PCDHA10: variants seen among roughly 807,000 people sequenced by gnomAD.
The protein encoded by PCDHA10 is protocadherin alpha 10, also known as protocadherin alpha-10.
Under a neutral mutation model 61.2 loss-of-function variants are expected in PCDHA10, and 45 were observed. That is an observed-to-expected ratio of 0.74 (90% confidence interval 0.58 to 0.94). The LOEUF (loss-of-function observed/expected upper bound fraction) is 0.94. Among genes scored for constraint, PCDHA10 ranks in the 40% least tolerant of loss-of-function variants. The probability of loss-of-function intolerance (pLI) is 0.00; values close to 1 mark genes in which losing one functional copy is unlikely to be tolerated. For synonymous variants in PCDHA10, 602 were observed against 548.8 expected, an observed-to-expected ratio of 1.10 and a Z score of -1.35; for missense variants, 1,278 against 1,236.2, an observed-to-expected ratio of 1.03 and a Z score of -0.51.
At chr5:140,974,879 A>G (rs1259634156) in intron 1 of PCDHA10, among the ~76,000 whole-genome samples, 1 of 152,212 alleles carries the variant, frequency 6.6e-6, no homozygotes, top group Non-Finnish European at 1.5e-5. Flanking sequence ...CAGTCTATGT[A>G]TCCCTTTTCT....
At chr5:140,869,588 T>G (rs1404476349) in intron 1 of PCDHA10, 7 of 1,613,996 alleles carry the variant, frequency 4.3e-6, no homozygotes, top group Non-Finnish European at 5.9e-6. Flanking sequence ...GATGCTGACA[T>G]TGAAGAGAAT....
intron 1 of PCDHA10, chr5:140,883,169 G>C (rs1554177001): frequency 6.2e-7 from 1 of 1,613,950 alleles, no homozygotes; most frequent in Admixed American, 1.7e-5. Flanking sequence ...GAACAATGGA[G>C]AAATTAGGAC....
chr5:140,899,931 C>G (rs1163496997), intron 1 of PCDHA10, among the ~76,000 whole-genome samples: 1 of 152,112 alleles, frequency 6.6e-6, no homozygotes, highest in African/African-American at 2.4e-5. Context: ...CCTCAGCCTC[C>G]TGAATAGCTG....
At chr5:140,885,274 AT>A (rs2153409165) in intron 1 of PCDHA10, among the ~76,000 whole-genome samples, 1 of 152,248 alleles carries the variant, frequency 6.6e-6, no homozygotes, top group South Asian at 2.1e-4. Context: ...ATACATATAT[AT>A]ATACATATAT....
At chr5:141,000,361 G>GTC (rs148596731) in intron 3 of PCDHA10, among the ~76,000 whole-genome samples, 441 of 26,430 alleles carry the variant, frequency 0.017, 8 homozygotes, top group Non-Finnish European at 0.02. Flanking sequence ...GTCTCTCTCT[G>GTC]TCTCTCTCTC....
intron 1 of PCDHA10, chr5:140,927,755 C>T (rs1388061408): frequency 6.2e-7 from 1 of 1,614,196 alleles, no homozygotes; most frequent in South Asian, 1.1e-5. Flanking sequence ...CACGTGCACC[C>T]TAAAAGTGGG....
intron 1 of PCDHA10, chr5:140,929,073 T>C (rs782591499): frequency 1.9e-6 from 3 of 1,614,200 alleles, no homozygotes; most frequent in Non-Finnish European, 2.5e-6. Flanking sequence ...ATCTGAGGTA[T>C]GGAAGTAAGA....
At chr5:140,926,409 C>G (rs1426750263) in intron 1 of PCDHA10, 3 of 152,670 alleles carry the variant, frequency 2.0e-5, no homozygotes, top group Admixed American at 6.5e-5. Context: ...CAGCAATCTG[C>G]GGGCAGAGGA....
intron 1 of PCDHA10, chr5:140,966,271 T>C: frequency 2.8e-6 from 1 of 355,706 alleles, no homozygotes; most frequent in Non-Finnish European, 5.0e-6. Flanking sequence ...CTGGATGAAC[T>C]GGACAGTGGG....
At chr5:140,982,585 A>G (rs782780327) in intron 3 of PCDHA10, 22 bp downstream of exon 3, 1 of 1,611,974 alleles carries the variant, frequency 6.2e-7, no homozygotes, top group Non-Finnish European at 8.5e-7. Context: ...GGGTCTCTCC[A>G]TTCTTTCTTG....
chr5:140,869,159 T>C, intron 1 of PCDHA10: 1 of 1,613,792 alleles, frequency 6.2e-7, no homozygotes, highest in Non-Finnish European at 8.5e-7. Flanking sequence ...CTCTGGCTTC[T>C]CCTCCTCGAA....
In PCDHA10 at chr5:140,913,731, A is replaced by G. The variant is rs557158674; in HGVS notation, c.2388+55295A>G. ...CAATTACAGCTACAAATTTCCCTCT[A>G]ATAGTACTCCTTTTGTTGTATCTCA... On this transcript the variant is annotated intron_variant, in intron 1 of 3. Transcript: ENST00000307360. Among the ~76,000 whole-genome samples the G allele has an allele frequency of 1.8e-4, 27 of 152,194 alleles. No homozygotes were observed. The South Asian group carries it at 2.5e-3, about 14-fold the overall frequency.
chr5:140,968,330 G>A (rs1314697989), intron 1 of PCDHA10: 2 of 1,613,974 alleles, frequency 1.2e-6, no homozygotes, highest in East Asian at 2.2e-5. Context: ...CACCTCCTAT[G>A]TCTCCATTAA....
At chr5:140,972,660 A>ATTTTTTTT (rs11350929) in intron 1 of PCDHA10, among the ~76,000 whole-genome samples, 1 of 117,268 alleles carries the variant, frequency 8.5e-6, no homozygotes, top group Non-Finnish European at 1.7e-5. Context: ...AAGAAACCAA[A>ATTTTTTTT]TTTTTTTTTT....
intron 1 of PCDHA10, among the ~76,000 whole-genome samples, chr5:140,904,631 G>A (rs150616068): frequency 0.029 from 4,338 of 152,074 alleles, 82 homozygotes; most frequent in Non-Finnish European, 0.044. Flanking sequence ...GTTCTTTAAG[G>A]AATCTCCACA....
At chr5:140,908,668 A>C (rs2074091776) in intron 1 of PCDHA10, among the ~76,000 whole-genome samples, 1 of 152,194 alleles carries the variant, frequency 6.6e-6, no homozygotes, top group Non-Finnish European at 1.5e-5. Flanking sequence ...AAAGGCTCCA[A>C]ATAGCATCCC....
At chr5:140,985,491 G>C (rs1288786153) in intron 3 of PCDHA10, among the ~76,000 whole-genome samples, 3 of 152,166 alleles carry the variant, frequency 2.0e-5, no homozygotes, top group African/African-American at 7.2e-5. Flanking sequence ...GACTCAAATA[G>C]AGCCTGCCTT....
chr5:140,965,924 C>A (rs548082207), intron 1 of PCDHA10, among the ~76,000 whole-genome samples: 1 of 152,212 alleles, frequency 6.6e-6, no homozygotes, highest in Non-Finnish European at 1.5e-5. Context: ...TTTAGGCTTG[C>A]TCCCGGAAAG....
intron 1 of PCDHA10, chr5:140,882,401 G>A (rs899488409): frequency 4.0e-5 from 65 of 1,614,046 alleles, no homozygotes; most frequent in Non-Finnish European, 5.3e-5. Context: ...CGGCACCTTC[G>A]TGGGCCGCAT....
Sources: allele counts gnomAD v4.1 joint callset (sites outside exome capture counted in the v4.1 genomes callset), GRCh38; gene constraint gnomAD v4.1.1; transcripts MANE v1.5; gene names NCBI Gene and HGNC (gene_info 2026-07-23, HGNC 2026-07-21).